ARSB: variants seen among roughly 807,000 people sequenced by gnomAD.
ARSB encodes N-acetylgalactosamine-4-sulfatase.
A neutral mutation model predicts 50.9 loss-of-function variants in ARSB; 41 were observed. The ratio of observed to expected loss-of-function variants is 0.81; its 90% CI spans 0.63 to 1.04. The LOEUF (loss-of-function observed/expected upper bound fraction) is 1.04. ARSB is among the 50% of genes least tolerant of loss of function. The pLI, the probability that ARSB is intolerant of heterozygous loss-of-function variation, is 0.00. For synonymous variants in ARSB, 269 were observed against 284.8 expected, an observed-to-expected ratio of 0.94 and a Z score of 0.56; for missense variants, 672 against 693.3, an observed-to-expected ratio of 0.97 and a Z score of 0.35.
chr5:78,790,632 T>C (rs1360048342), intron 6 of ARSB, among the ~76,000 whole-genome samples: 2 of 152,252 alleles, frequency 1.3e-5, no homozygotes, highest in African/African-American at 4.8e-5. Flanking sequence ...TTAAGTGTTC[T>C]ATGTATAACT....
intron 5 of ARSB, among the ~76,000 whole-genome samples, chr5:78,865,071 G>A (rs763616503): frequency 3.3e-5 from 5 of 152,118 alleles, no homozygotes; most frequent in African/African-American, 1.2e-4. Flanking sequence ...TATCATTCTG[G>A]GGTCTGGAGG....
At position 78,867,850 on chromosome 5, in the gene ARSB, GA is replaced by G. The variant is rs1746875378; in HGVS notation, c.1142+17733del. ...GAGCTGAGAGAAGAAGGCTTCAGAC[GA>G]TCAAATTACTCTGAGCTACGGGAGG... On this transcript the variant is annotated intron_variant, in intron 5 of 7. Coordinates refer to ENST00000264914, the MANE Select transcript of ARSB (RefSeq NM_000046.5). Among the ~76,000 whole-genome samples, 7 of 147,658 alleles carry G rather than the reference GA, an allele frequency of 4.7e-5. No individual in the cohort carries two copies. The South Asian group carries it at 1.4e-3, about 29-fold the overall frequency.
rs1025645991 is a variant in ARSB, at chr5:78,789,324, A to G, written c.1214-7350T>C. The stretch of plus-strand genomic sequence containing the variant: ...ACTACATAATGTTTAAACAAAATAA[A>G]TATGTGAGCTGACCTGCAAATAAGA... On this transcript the variant is annotated intron_variant, in intron 6 of 7. Transcript: ENST00000264914. 5.3e-5 allele frequency among the ~76,000 whole-genome samples: 8 copies of G among 152,340 alleles called. No homozygotes were observed. The South Asian group carries it at 1.7e-3, about 32-fold the overall frequency.
intron 4 of ARSB, among the ~76,000 whole-genome samples, chr5:78,927,628 T>C (rs1750113504): frequency 6.6e-6 from 1 of 152,196 alleles, no homozygotes; most frequent in South Asian, 2.1e-4. Flanking sequence ...GCTTAGAGGC[T>C]CTTTCACCCA....
intron 4 of ARSB, among the ~76,000 whole-genome samples, chr5:78,935,208 C>T (rs1750525050): frequency 6.6e-6 from 1 of 152,052 alleles, no homozygotes. Context: ...AAGAAAGTAT[C>T]AGAGGAAATA....
At chr5:78,834,646 T>TATATATGC (rs35626755) in intron 6 of ARSB, among the ~76,000 whole-genome samples, 9 of 133,790 alleles carry the variant, frequency 6.7e-5, no homozygotes, top group Non-Finnish European at 1.3e-4. Flanking sequence ...TATATATATA[T>TATATATGC]GCCACATTTT....
intron 6 of ARSB, among the ~76,000 whole-genome samples, chr5:78,786,748 T>C (rs556004334): frequency 6.6e-6 from 1 of 152,182 alleles, no homozygotes; most frequent in African/African-American, 2.4e-5. Flanking sequence ...GCCTCCAGAA[T>C]AGCGGGGACT....
chr5:78,930,694 G>C (rs1188366101), intron 4 of ARSB, among the ~76,000 whole-genome samples: 1 of 152,032 alleles, frequency 6.6e-6, no homozygotes, highest in Non-Finnish European at 1.5e-5. Flanking sequence ...CTGGAAGGCA[G>C]AATTTCTGTA....
intron 5 of ARSB, 24 bp downstream of exon 5, chr5:78,885,560 G>A: frequency 7.4e-6 from 12 of 1,610,874 alleles, no homozygotes; most frequent in Non-Finnish European, 1.0e-5. Context: ...TGTCCTGGGA[G>A]GAAAAAGGGC....
chr5:78,783,648 CTG>C (rs1327740941), intron 6 of ARSB, among the ~76,000 whole-genome samples: 1 of 152,168 alleles, frequency 6.6e-6, no homozygotes, highest in Non-Finnish European at 1.5e-5. Context: ...TGTGGTAAAA[CTG>C]TGAACCCTCA....
intron 6 of ARSB, chr5:78,816,098 C>T (rs995643493): frequency 3.7e-6 from 6 of 1,614,118 alleles, no homozygotes; most frequent in Admixed American, 3.3e-5. Context: ...ACAACAGCAG[C>T]GAGCACTCAG....
At chr5:78,810,974 A>G (rs965458176) in intron 6 of ARSB, among the ~76,000 whole-genome samples, 1 of 152,232 alleles carries the variant, frequency 6.6e-6, no homozygotes, top group African/African-American at 2.4e-5. Flanking sequence ...GTTTCTATAG[A>G]AAATTCAGAT....
rs541509719 is a variant in ARSB at position 78,798,736 on chromosome 5, G to A, written c.1214-16762C>T. The stretch of plus-strand genomic sequence containing the variant: ...TCAGCCTTTTAATGGCTGTCAGGTG[G>A]GCCTGCCCCCTCCGGGAAGCTTGGT... On this transcript the variant is annotated intron_variant, in intron 6 of 7. Coordinates refer to ENST00000264914, the MANE Select transcript of ARSB (RefSeq NM_000046.5). Among the ~76,000 whole-genome samples, 9 of 152,244 alleles carry A rather than the reference G, an allele frequency of 5.9e-5. No homozygotes were observed. The East Asian group carries it at 1.7e-3, about 29-fold the overall frequency.
At chr5:78,888,054 G>C (rs370908074) in intron 4 of ARSB, among the ~76,000 whole-genome samples, 57 of 152,334 alleles carry the variant, frequency 3.7e-4, no homozygotes, top group African/African-American at 1.4e-3. Flanking sequence ...CTTCTCGAAA[G>C]GGAGTAGAGA....
intron 6 of ARSB, among the ~76,000 whole-genome samples, chr5:78,786,478 A>G (rs990632152): frequency 2.0e-5 from 3 of 152,156 alleles, no homozygotes; most frequent in Admixed American, 6.5e-5. Context: ...TTCATGTACA[A>G]TTTCAGTGTG....
intron 4 of ARSB, among the ~76,000 whole-genome samples, chr5:78,936,502 G>T (rs2112412608): frequency 6.6e-6 from 1 of 151,450 alleles, no homozygotes; most frequent in East Asian, 1.9e-4. Context: ...AAAGAGGGGT[G>T]GGGAAGGGAT....
intron 5 of ARSB, chr5:78,883,276 G>A (rs961949743): frequency 2.0e-5 from 3 of 152,186 alleles, no homozygotes; most frequent in Admixed American, 6.5e-5. Context: ...AAAATTTCTG[G>A]TGAGAGAAAA....
intron 4 of ARSB, among the ~76,000 whole-genome samples, chr5:78,889,325 C>T (rs80162951): frequency 0.033 from 4,993 of 152,264 alleles, 109 homozygotes; most frequent in Non-Finnish European, 0.047. Flanking sequence ...ATTTCAAAGA[C>T]GTTTCTTCTC....
chr5:78,916,282 C>T (rs567597938), intron 4 of ARSB, among the ~76,000 whole-genome samples: 7 of 152,066 alleles, frequency 4.6e-5, no homozygotes, highest in South Asian at 2.1e-4. Context: ...GCCCTGACTA[C>T]GGAAAGAAAG....
Sources: gnomAD v4.1 joint callset for allele counts (sites outside exome capture counted in the v4.1 genomes callset) on GRCh38, gnomAD v4.1.1 for gene constraint, MANE v1.5 for transcripts, NCBI Gene and HGNC (gene_info 2026-07-23, HGNC 2026-07-21) for gene names.